The following PDE1C variants were observed in gnomAD, a reference collection of about 807,000 sequenced individuals.
PDE1C encodes the protein phosphodiesterase 1C, also known as dual specificity calcium/calmodulin-dependent 3',5'-cyclic nucleotide phosphodiesterase 1C.
In PDE1C, 62 loss-of-function variants were observed where a neutral mutation model predicts 93.1. The observed-to-expected ratio is 0.67, with a 90% CI of 0.54 to 0.82. The LOEUF is 0.82. Among genes scored for constraint, PDE1C ranks in the 40% least tolerant of loss-of-function variants. The probability of loss-of-function intolerance (pLI) is 0.00; values close to 1 mark genes in which losing one functional copy is unlikely to be tolerated. For synonymous variants in PDE1C, 325 were observed against 310.1 expected (o/e 1.05, Z -0.50); for missense variants, 742 against 884.6 (o/e 0.84, Z 2.04).
intron 17 of PDE1C, among the ~76,000 whole-genome samples, chr7:31,762,349 T>C (rs1794886398): frequency 6.6e-6 from 1 of 152,188 alleles, no homozygotes; most frequent in African/African-American, 2.4e-5. Flanking sequence ...TCTACATTTT[T>C]TATTTTTTTG....
intron 1 of PDE1C, among the ~76,000 whole-genome samples, chr7:32,242,252 G>T (rs1049717262): frequency 1.3e-5 from 2 of 152,186 alleles, no homozygotes; most frequent in Non-Finnish European, 2.9e-5. Context: ...AGGGAACTTA[G>T]AGTCTGATAG....
chr7:32,304,439 G>A (rs773767242), intron 1 of PDE1C, among the ~76,000 whole-genome samples: 1 of 152,162 alleles, frequency 6.6e-6, no homozygotes, highest in Non-Finnish European at 1.5e-5. Flanking sequence ...ATTGGGGTAG[G>A]ACAGCCAGCC....
the PDE1C span, among the ~76,000 whole-genome samples, chr7:31,745,157 T>G: frequency 6.6e-6 from 1 of 152,198 alleles, no homozygotes; most frequent in South Asian, 2.1e-4. Context: ...GAATGAAAAC[T>G]CCAGTGGGTT....
intron 1 of PDE1C, among the ~76,000 whole-genome samples, chr7:32,235,704 T>G (rs949317888): frequency 5.3e-5 from 8 of 152,014 alleles, no homozygotes; most frequent in Non-Finnish European, 1.0e-4. Flanking sequence ...GAAGACTCAA[T>G]ATGGTAAAGA....
chr7:32,277,749 C>T (rs1291202344), intron 1 of PDE1C, among the ~76,000 whole-genome samples: 1 of 152,196 alleles, frequency 6.6e-6, no homozygotes, highest in Non-Finnish European at 1.5e-5. Context: ...AACTCTATCT[C>T]CACCTCTTCC....
At chr7:31,804,066 A>C (rs963841225) in intron 16 of PDE1C, among the ~76,000 whole-genome samples, 2 of 151,600 alleles carry the variant, frequency 1.3e-5, no homozygotes, top group African/African-American at 2.4e-5. Flanking sequence ...ATGCCTGGTA[A>C]TTTTTTATTG....
chr7:31,755,144 T>C (rs531945031), intron 17 of PDE1C, among the ~76,000 whole-genome samples: 1 of 152,284 alleles, frequency 6.6e-6, no homozygotes, highest in East Asian at 1.9e-4. Flanking sequence ...CCACTCTACA[T>C]GTATACCAGA....
chr7:32,416,897 A>G (rs1166981219), intron 1 of PDE1C, among the ~76,000 whole-genome samples: 1 of 152,160 alleles, frequency 6.6e-6, no homozygotes, highest in African/African-American at 2.4e-5. Flanking sequence ...AACAGTAAAA[A>G]GCTGTGACCT....
chr7:32,209,504 G>A (rs1016199234), exon 2 of PDE1C: 6 of 1,574,556 alleles, frequency 3.8e-6, no homozygotes, highest in African/African-American at 2.7e-5. Context: ...AAGCGGGCCA[G>A]TGGTCTGGCA....
chr7:31,670,215 C>T, the PDE1C span, among the ~76,000 whole-genome samples: 1 of 152,170 alleles, frequency 6.6e-6, no homozygotes, highest in South Asian at 2.1e-4. Flanking sequence ...GAACATTTGC[C>T]AGTTGAGAAT....
intron 16 of PDE1C, among the ~76,000 whole-genome samples, chr7:31,794,332 C>A (rs1010125579): frequency 6.6e-6 from 1 of 151,920 alleles, no homozygotes; most frequent in South Asian, 2.1e-4. Context: ...TTTACTTTTG[C>A]AGCAATCTAA....
chr7:32,297,969 C>CA (rs1327951022), intron 1 of PDE1C, among the ~76,000 whole-genome samples: 2 of 66,400 alleles, frequency 3.0e-5, no homozygotes, highest in Admixed American at 1.2e-4. Context: ...CTCTCTCTCT[C>CA]TCTCTCTCTC....
chr7:31,625,626 G>A, the PDE1C span, among the ~76,000 whole-genome samples: 5 of 152,026 alleles, frequency 3.3e-5, no homozygotes, highest in Non-Finnish European at 2.9e-5. Context: ...CTGTTGTGGG[G>A]TGGGAGGAGG....
intron 3 of PDE1C, among the ~76,000 whole-genome samples, chr7:32,155,075 T>C (rs1801489764): frequency 7.2e-6 from 1 of 139,840 alleles, no homozygotes; most frequent in Admixed American, 7.0e-5. Context: ...TGGATCAGGG[T>C]GCAGAGGCAG....
At chr7:31,840,626 T>C (rs182965647) in intron 9 of PDE1C, among the ~76,000 whole-genome samples, 143 of 152,276 alleles carry the variant, frequency 9.4e-4, no homozygotes, top group Middle Eastern at 6.8e-3. Context: ...TTTTTGAGTA[T>C]GGTATGTGAT....
intron 1 of PDE1C, among the ~76,000 whole-genome samples, chr7:32,287,722 T>C (rs926831469): frequency 1.3e-5 from 2 of 152,200 alleles, no homozygotes; most frequent in Non-Finnish European, 2.9e-5. Context: ...GGGTCCTACC[T>C]GGGAATGTGG....
the PDE1C span, among the ~76,000 whole-genome samples, chr7:31,682,770 T>A: frequency 6.6e-6 from 1 of 152,150 alleles, no homozygotes; most frequent in South Asian, 2.1e-4. Flanking sequence ...GGTACATCCA[T>A]AACATGGAAT....
At chr7:32,045,867 G>A (rs926416773) in intron 2 of PDE1C, among the ~76,000 whole-genome samples, 1 of 152,110 alleles carries the variant, frequency 6.6e-6, no homozygotes, top group African/African-American at 2.4e-5. Flanking sequence ...CTTCACATGT[G>A]ACAATCTATT....
intron 2 of PDE1C, among the ~76,000 whole-genome samples, chr7:31,961,847 T>C (rs776201333): frequency 6.6e-6 from 1 of 152,230 alleles, no homozygotes; most frequent in Admixed American, 6.5e-5. Flanking sequence ...ATTTTCTTTA[T>C]GTCCTTATCA....
Sources: allele counts gnomAD v4.1 joint callset (sites outside exome capture counted in the v4.1 genomes callset), GRCh38; gene constraint gnomAD v4.1.1; transcripts MANE v1.5; gene names NCBI Gene and HGNC (gene_info 2026-07-23, HGNC 2026-07-21).